Variants in LIFR observed in about 807,000 individuals in gnomAD.
LIFR encodes the protein LIF receptor subunit alpha.
Under a neutral mutation model 122.2 loss-of-function variants are expected in LIFR, and 84 were observed. The ratio of observed to expected loss-of-function variants is 0.69; its 90% CI spans 0.58 to 0.82. The LOEUF (loss-of-function observed/expected upper bound fraction) is 0.82, where lower values mean the gene tolerates loss of function less well. Ranked by LOEUF, LIFR falls within the 40% of genes least tolerant of loss-of-function variation. LIFR has a pLI of 0.00. For synonymous variants in LIFR, 422 were observed against 434.7 expected (o/e 0.97, Z 0.36); for missense variants, 1,294 against 1,311.6 (o/e 0.99, Z 0.21).
chr5:38,527,475 G>T (rs563910362), intron 3 of LIFR, among the ~76,000 whole-genome samples, 181 bp from the exon 4 acceptor site: 1 of 152,244 alleles, frequency 6.6e-6, no homozygotes, highest in South Asian at 2.1e-4. Flanking sequence ...ACCAATGTGG[G>T]GGTAGGAAAA....
intron 1 of LIFR, among the ~76,000 whole-genome samples, chr5:38,551,840 C>T (rs1748221588): frequency 6.6e-6 from 1 of 152,234 alleles, no homozygotes; most frequent in African/African-American, 2.4e-5. Flanking sequence ...CTTTGCTCAC[C>T]TGAGCAGTAC....
chr5:38,570,804 A>T (rs532271381), intron 1 of LIFR, among the ~76,000 whole-genome samples: 93 of 152,324 alleles, frequency 6.1e-4, no homozygotes, highest in African/African-American at 2.2e-3. Context: ...CACAGAACAA[A>T]AAAAGAACTC....
intron 5 of LIFR, among the ~76,000 whole-genome samples, chr5:38,518,093 G>C (rs1219957712): frequency 6.6e-6 from 1 of 151,618 alleles, no homozygotes; most frequent in Non-Finnish European, 1.5e-5. Context: ...CAGCCAAGTT[G>C]ACAGAGCAGA....
At chr5:38,576,283 G>A (rs1423287501) in intron 1 of LIFR, among the ~76,000 whole-genome samples, 1 of 152,144 alleles carries the variant, frequency 6.6e-6, no homozygotes, top group Non-Finnish European at 1.5e-5. Context: ...ACTGCCATCT[G>A]TGGTCAACAT....
intron 1 of LIFR, among the ~76,000 whole-genome samples, chr5:38,546,833 A>C (rs1747919862): frequency 6.6e-6 from 1 of 152,234 alleles, no homozygotes; most frequent in African/African-American, 2.4e-5. Context: ...TGTGGAATGT[A>C]CTGAGTTCAG....
chr5:38,544,939 G>GT (rs1747793213), intron 1 of LIFR, among the ~76,000 whole-genome samples: 1 of 152,194 alleles, frequency 6.6e-6, no homozygotes. Flanking sequence ...CTAGTGTGCA[G>GT]TTATGCACCA....
rs1746732409 is a variant in LIFR at position 38,527,171 on chromosome 5, T to C, written c.381A>G (p.Leu127=). ...AATACTTACAAACGTTTTGTTCATT[T>C]AGTGTGAATTTACTTGTAGAACTTC... ...DFGSSTSKFT[L]NEQNVSLIPD... The change falls in exon 4 of 20, where the codon CTA becomes CTG. Residue 127 remains leucine (L), a synonymous_variant. Transcript: ENST00000453190. The C allele has an allele frequency of 6.3e-7, 1 of 1,593,854 alleles. No homozygotes were observed. The highest frequency in any genetic ancestry group is 8.6e-7 in the Non-Finnish European group (1 of 1,163,610).
chr5:38,545,463 A>C (rs1747829753), intron 1 of LIFR, among the ~76,000 whole-genome samples: 1 of 152,128 alleles, frequency 6.6e-6, no homozygotes, highest in African/African-American at 2.4e-5. Flanking sequence ...GGTGAAACTA[A>C]AATTTTTTTT....
chr5:38,533,679 C>G (rs879448931), intron 1 of LIFR, among the ~76,000 whole-genome samples: 1 of 152,204 alleles, frequency 6.6e-6, no homozygotes, highest in African/African-American at 2.4e-5. Flanking sequence ...TGTCCCCCAA[C>G]CCCTCTCTAT....
upstream of LIFR, among the ~76,000 whole-genome samples, chr5:38,598,016 G>T (rs1750140085): frequency 6.6e-6 from 1 of 151,672 alleles, no homozygotes; most frequent in Admixed American, 6.6e-5. Flanking sequence ...TCCTTAGGAG[G>T]TGATAATAAG....
chr5:38,483,786 C>G (rs1393684754), intron 18 of LIFR, among the ~76,000 whole-genome samples: 2 of 152,168 alleles, frequency 1.3e-5, no homozygotes, highest in Non-Finnish European at 2.9e-5. Flanking sequence ...CCAAAATAGA[C>G]TATTCTATAG....
upstream of LIFR, among the ~76,000 whole-genome samples, chr5:38,561,431 T>A (rs1748833964): frequency 1.3e-5 from 2 of 152,208 alleles, no homozygotes; most frequent in South Asian, 4.1e-4. Context: ...AAAGGGCTTA[T>A]TAAAAGTACC....
chr5:38,530,225 A>G (rs1391867999), intron 2 of LIFR, among the ~76,000 whole-genome samples: 1 of 152,218 alleles, frequency 6.6e-6, no homozygotes, highest in African/African-American at 2.4e-5. Context: ...TGGTGGTTAC[A>G]TAACTACATT....
rs190266280 is a variant in LIFR at position 38,478,166 on chromosome 5, C to T, written c.*3429G>A. ...ACTTGCAATGTTTGTTAAATATGGA[C>T]GGCATGAAGACAATTAAGAAACTAT... On this transcript the variant is annotated 3_prime_UTR_variant, in exon 20 of 20. Coordinates refer to ENST00000453190, the MANE Select transcript of LIFR (RefSeq NM_001127671.2). 6 of 208,504 alleles carry T rather than the reference C, an allele frequency of 2.9e-5. No individual in the cohort carries two copies. The highest frequency in any genetic ancestry group is 7.3e-5 in the East Asian group (1 of 13,650). 12.9% of individuals were successfully genotyped at this position (208,504 alleles called of 1,614,324 possible). A position where few individuals can be genotyped will look rare whatever the true frequency, so the allele number is the denominator to read the frequency against.
chr5:38,493,584 G>A, intron 14 of LIFR, 22 bp downstream of exon 14: 1 of 1,605,020 alleles, frequency 6.2e-7, no homozygotes, highest in Non-Finnish European at 8.5e-7. Flanking sequence ...GAACTTAATT[G>A]AGAGACACTA....
At chr5:38,595,857 C>T (rs924675108), upstream of LIFR, among the ~76,000 whole-genome samples, 47 of 118,020 alleles carry the variant, frequency 4.0e-4, no homozygotes, top group East Asian at 0.013. Flanking sequence ...CTCAGCCTCC[C>T]GAGTAGCTGG....
intron 7 of LIFR, among the ~76,000 whole-genome samples, chr5:38,509,126 A>ACGC (rs1745656539): frequency 6.6e-6 from 1 of 152,202 alleles, no homozygotes; most frequent in Non-Finnish European, 1.5e-5. Context: ...ATAAAAGATT[A>ACGC]CAACACTGTC....
chr5:38,578,207 C>T (rs1431373410), intron 1 of LIFR, among the ~76,000 whole-genome samples: 11 of 123,456 alleles, frequency 8.9e-5, no homozygotes, highest in South Asian at 2.7e-4. Flanking sequence ...TTTTCTTTTT[C>T]TTTTTTTTTT....
At position 38,549,965 on chromosome 5, in the gene LIFR, C is replaced by T. The variant is rs576733725; in HGVS notation, c.-20+6369G>A. Reference sequence around the variant, plus strand: ...TAAGTAGGCTTCTTAAGAATCACTGCGAGGAGAAAGGTATCGACAGGAGTA... The same window carrying T: ...TAAGTAGGCTTCTTAAGAATCACTGTGAGGAGAAAGGTATCGACAGGAGTA... On this transcript the variant is annotated intron_variant, in intron 1 of 19. Transcript: ENST00000453190. Among the ~76,000 whole-genome samples the T allele has an allele frequency of 2.0e-5, 3 of 152,184 alleles. No individual in the cohort carries two copies. In the South Asian group the frequency reaches 6.2e-4, roughly 32 times the overall value.
Sources: allele counts gnomAD v4.1 joint callset (sites outside exome capture counted in the v4.1 genomes callset), GRCh38; gene constraint gnomAD v4.1.1; transcripts MANE v1.5; gene names NCBI Gene and HGNC (gene_info 2026-07-23, HGNC 2026-07-21).